CDH23: variants seen among roughly 807,000 people sequenced by gnomAD.
The protein encoded by CDH23 is cadherin-23.
CDH23 carries 189 observed loss-of-function variants against 317.1 expected under a neutral mutation model. The ratio of observed to expected loss-of-function variants is 0.60; its 90% CI spans 0.53 to 0.67. The LOEUF (loss-of-function observed/expected upper bound fraction) is 0.67, where lower values mean the gene tolerates loss of function less well. Ranked by LOEUF, CDH23 falls within the 30% of genes least tolerant of loss-of-function variation. The pLI is 0.00. For missense variants in CDH23, 4,401 were observed against 4,592.4 expected, an observed-to-expected ratio of 0.96 and a Z score of 1.20; for synonymous variants, 1,839 against 1,876.8, an observed-to-expected ratio of 0.98 and a Z score of 0.52.
chr10:71,679,702 G>T lies in CDH23; in HGVS notation c.1858+210G>T, dbSNP rs575450957. On this transcript the variant is annotated intron_variant, in intron 17 of 69. Transcript: ENST00000224721. ...CAACATCTGTGTCCCTCATCAGCAG[G>T]ATCTCTCTCTGGTTCTTAGGCCATG... Among the ~76,000 whole-genome samples, 10 of 152,336 alleles carry T rather than the reference G, an allele frequency of 6.6e-5. No individual in the cohort carries two copies. The South Asian group carries it at 1.9e-3, about 28-fold the overall frequency.
chr10:71,719,646 C>T (rs944157673), intron 28 of CDH23: 6 of 152,752 alleles, frequency 3.9e-5, no homozygotes, highest in Admixed American at 6.5e-5. Context: ...AGACCCCAGC[C>T]GTCCGGAGCT....
intron 1 of CDH23, among the ~76,000 whole-genome samples, chr10:71,410,732 G>A (rs1442180974): frequency 6.6e-6 from 1 of 152,166 alleles, no homozygotes; most frequent in African/African-American, 2.4e-5. Context: ...TATATAAGTT[G>A]AATAATGCAG....
At chr10:71,431,549 T>C (rs1421371067) in intron 1 of CDH23, among the ~76,000 whole-genome samples, 1 of 152,240 alleles carries the variant, frequency 6.6e-6, no homozygotes, top group Non-Finnish European at 1.5e-5. Context: ...TCTCTGTGTG[T>C]AGCAGTGGTG....
chr10:71,690,589 G>A lies in CDH23; in HGVS notation c.2176+5G>A. On this transcript the variant is annotated splice_donor_5th_base_variant and intron_variant, in intron 20 of 69. Transcript: ENST00000224721. The stretch of plus-strand genomic sequence containing the variant: ...TTCGGATCAATGCCCGCTCAGGTGA[G>A]CCCCCCCACCCCAAGTACCCTGGTC... 4 of 1,574,584 alleles carry A rather than the reference G, an allele frequency of 2.5e-6. No individual in the cohort carries two copies. Among genetic ancestry groups the A allele is most frequent in the Non-Finnish European group, 3.5e-6 (4 of 1,156,270 alleles).
chr10:71,568,393 G>C (rs1433397538), intron 7 of CDH23, among the ~76,000 whole-genome samples: 1 of 152,204 alleles, frequency 6.6e-6, no homozygotes, highest in Non-Finnish European at 1.5e-5. Flanking sequence ...ATGCTTGCCC[G>C]CTGTGGGATA....
At chr10:71,675,043 T>G in intron 14 of CDH23, 69 bp from the exon 15 acceptor site, 2 of 1,417,472 alleles carry the variant, frequency 1.4e-6, no homozygotes, top group South Asian at 1.2e-5. Flanking sequence ...GAGAGGAACA[T>G]GGGTTTCCTG....
At chr10:71,412,888 T>A (rs1294266443) in intron 1 of CDH23, among the ~76,000 whole-genome samples, 3 of 152,232 alleles carry the variant, frequency 2.0e-5, no homozygotes, top group Admixed American at 2.0e-4. Flanking sequence ...ATTAATCCTT[T>A]ATCAGATGTG....
At chr10:71,644,150 A>G (rs74329454) in intron 12 of CDH23, among the ~76,000 whole-genome samples, 106 of 152,346 alleles carry the variant, frequency 7.0e-4, no homozygotes, top group East Asian at 4.2e-3. Flanking sequence ...TGCAACCTCC[A>G]CAGCCTGACA....
At chr10:71,542,640 A>G (rs910840208) in intron 6 of CDH23, among the ~76,000 whole-genome samples, 4 of 152,198 alleles carry the variant, frequency 2.6e-5, no homozygotes, top group African/African-American at 9.7e-5. Context: ...CAGGAGGCCG[A>G]GAAGATAAGG....
intron 28 of CDH23, among the ~76,000 whole-genome samples, chr10:71,718,160 G>A (rs184227322): frequency 2.6e-5 from 4 of 152,294 alleles, no homozygotes; most frequent in Admixed American, 2.0e-4. Context: ...TTTCTAGCAC[G>A]GAAGCTCAGG....
At position 71,459,267 on chromosome 10, in the gene CDH23, T is replaced by A. The variant is rs532351975; in HGVS notation, c.145+12872T>A. On this transcript the variant is annotated intron_variant, in intron 3 of 69. Coordinates refer to ENST00000224721, the MANE Select transcript of CDH23 (RefSeq NM_022124.6). Reference sequence around the variant, plus strand: ...CACACCTGGCTAATTGTTTTTTAAATTTTTTTTGTAGAGATGGGGGTCTCC... The same window carrying A: ...CACACCTGGCTAATTGTTTTTTAAAATTTTTTTGTAGAGATGGGGGTCTCC... 4.7e-4 allele frequency among the ~76,000 whole-genome samples: 72 copies of A among 151,868 alleles called. 1 individual carries two copies. The highest frequency in any genetic ancestry group is 1.7e-3 in the African/African-American group (72 of 41,416).
At chr10:71,636,206 G>C (rs1160082717) in intron 11 of CDH23, among the ~76,000 whole-genome samples, 1 of 152,114 alleles carries the variant, frequency 6.6e-6, no homozygotes, top group Admixed American at 6.5e-5. Flanking sequence ...GTTTGGGCTG[G>C]AGTCATGGAA....
intron 44 of CDH23, among the ~76,000 whole-genome samples, chr10:71,787,374 C>T (rs12414911): frequency 0.2 from 28,619 of 143,750 alleles, 2,893 homozygotes; most frequent in East Asian, 0.31. Flanking sequence ...GGTTTCTTAA[C>T]ATGTCCATAT....
At chr10:71,467,618 G>A (rs1268790831) in intron 3 of CDH23, among the ~76,000 whole-genome samples, 4 of 152,116 alleles carry the variant, frequency 2.6e-5, no homozygotes, top group Non-Finnish European at 5.9e-5. Context: ...TGACTCTGCC[G>A]CCACCACCTG....
At chr10:71,573,302 TTG>T (rs1589222496) in intron 8 of CDH23, among the ~76,000 whole-genome samples, 1 of 152,110 alleles carries the variant, frequency 6.6e-6, no homozygotes, top group East Asian at 1.9e-4. Flanking sequence ...GACCCCTAGG[TTG>T]TCTTTTTCTA....
At chr10:71,673,825 C>T (rs893325833) in intron 14 of CDH23, among the ~76,000 whole-genome samples, 4 of 152,206 alleles carry the variant, frequency 2.6e-5, no homozygotes, top group African/African-American at 9.7e-5. Context: ...CCAGCAGTCG[C>T]TGCTGCCGTT....
intron 8 of CDH23, among the ~76,000 whole-genome samples, chr10:71,575,285 T>C (rs1867998): frequency 0.66 from 100,451 of 152,032 alleles, 35,159 homozygotes; most frequent in African/African-American, 0.89. Flanking sequence ...ATGCACACAG[T>C]GATTCCAGGC....
chr10:71,610,764 C>G (rs1156920163), intron 9 of CDH23, among the ~76,000 whole-genome samples: 1 of 151,460 alleles, frequency 6.6e-6, no homozygotes, highest in Admixed American at 6.6e-5. Context: ...CAGCCTCTCT[C>G]TTGCAAATCT....
chr10:71,741,696 C>T lies in CDH23; in HGVS notation c.4620C>T (p.Asn1540=), dbSNP rs111033490. ...PFGYNVSVNE[N]VGGGTAVVQV... ...CTGCTCTCCTGCTCTCCTCCCAGAA[C>T]GTGGGTGGAGGTACTGCTGTGGTCC... is the stretch of plus-strand genomic sequence containing the variant. The change falls in exon 38 of 70, where the codon AAC becomes AAT. Residue 1540 remains asparagine (N), a splice_region_variant and synonymous_variant. Coordinates refer to ENST00000224721, the MANE Select transcript of CDH23 (RefSeq NM_022124.6). 107 of 1,606,014 alleles carry T rather than the reference C, an allele frequency of 6.7e-5. No homozygotes were observed. The highest frequency in any genetic ancestry group is 1.5e-4 in the African/African-American group (11 of 74,764).
Sources: gnomAD v4.1 joint callset for allele counts (sites outside exome capture counted in the v4.1 genomes callset) on GRCh38, gnomAD v4.1.1 for gene constraint, MANE v1.5 for transcripts, NCBI Gene and HGNC (gene_info 2026-07-23, HGNC 2026-07-21) for gene names.